DDX24: variants seen among roughly 807,000 people sequenced by gnomAD.
DDX24 encodes the protein ATP-dependent RNA helicase DDX24.
A neutral mutation model predicts 68.9 loss-of-function variants in DDX24; 24 were observed. That is an observed-to-expected ratio of 0.35 (90% CI 0.25 to 0.49). The LOEUF (loss-of-function observed/expected upper bound fraction) is 0.49, where lower values mean the gene tolerates loss of function less well. Ranked by LOEUF, DDX24 falls within the 20% of genes least tolerant of loss-of-function variation. The probability of loss-of-function intolerance (pLI) is 0.99; values close to 1 mark genes in which losing one functional copy is unlikely to be tolerated. For synonymous variants in DDX24, 395 were observed against 385.2 expected, an observed-to-expected ratio of 1.03 and a Z score of -0.30; for missense variants, 989 against 1,039.0, an observed-to-expected ratio of 0.95 and a Z score of 0.66.
At chr14:94,071,862 T>C (rs1463312040) in intron 2 of DDX24, among the ~76,000 whole-genome samples, 1 of 152,036 alleles carries the variant, frequency 6.6e-6, no homozygotes, top group African/African-American at 2.4e-5. Flanking sequence ...GGAGAATCAC[T>C]TGAACCCGGG....
chr14:94,060,580 A>T lies in DDX24; in HGVS notation c.1431T>A (p.Val477=). ...AGAGCTCAGCAAAATGGCCTTTCTC[A>T]ACCATCCGGTCAGCCTCATCCACTA... The part of the protein sequence containing the change: ...CLVVDEADRM[V]EKGHFAELSQ... Residue 477 remains valine (V), a synonymous_variant, in exon 5 of 9, where the codon GTT becomes GTA. Transcript: ENST00000621632. 2 of 1,613,936 alleles carry T rather than the reference A, an allele frequency of 1.2e-6. No individual in the cohort carries two copies. Among genetic ancestry groups the T allele is most frequent in the Non-Finnish European group, 8.5e-7 (1 of 1,179,896 alleles).
At chr14:94,078,084 T>C (rs1885982267) in intron 2 of DDX24, among the ~76,000 whole-genome samples, 1 of 152,160 alleles carries the variant, frequency 6.6e-6, no homozygotes, top group South Asian at 2.1e-4. Context: ...CTTGTCATTA[T>C]TCCCTAAACA....
intron 5 of DDX24, among the ~76,000 whole-genome samples, chr14:94,059,574 A>G (rs908698146): frequency 2.0e-5 from 3 of 152,244 alleles, no homozygotes; most frequent in African/African-American, 7.2e-5. Context: ...TGTTCTAAAC[A>G]CTTTACACGC....
chr14:94,062,285 T>C lies in DDX24; in HGVS notation c.1055A>G (p.Lys352Arg). The C allele has an allele frequency of 6.2e-7, 1 of 1,614,198 alleles. No individual in the cohort carries two copies. The change falls in exon 3 of 9, where the codon AAA becomes AGA. Residue 352 changes from lysine to arginine, a missense_variant. Coordinates refer to ENST00000621632, the MANE Select transcript of DDX24 (RefSeq NM_020414.4). The stretch of plus-strand genomic sequence containing the variant: ...ATTTTCCTCCTCATTCTCATTCTGT[T>C]TGGGAACAGGTTTCTCCCTGATCAG... ...SSLIREKPVP[K>R]QNENEEENLD... is the part of the protein sequence containing the mutation.
Position 94,050,069 on chromosome 14 carries a change from T to C in DDX24, c.*1122A>G, listed in dbSNP as rs1885360789. 6.6e-6 allele frequency: 1 copy of C among 152,230 alleles called. No individual in the cohort carries two copies. The highest frequency in any genetic ancestry group is 2.4e-5 in the African/African-American group (1 of 41,446). The allele number at this position is 152,230 out of a possible 1,614,324, so 9.4% of individuals were successfully genotyped here. A position where few individuals can be genotyped will look rare whatever the true frequency, so the allele number is the denominator to read the frequency against. On this transcript the variant is annotated 3_prime_UTR_variant, in exon 9 of 9. Transcript: ENST00000621632. ...TGAACTAAACAGCTGTATTGTATTG[T>C]GCCCCGACGAATACCTGTTTGGAAG...
chr14:94,063,822 G>A (rs1435323988), intron 2 of DDX24, among the ~76,000 whole-genome samples: 2 of 152,224 alleles, frequency 1.3e-5, no homozygotes, highest in South Asian at 2.1e-4. Flanking sequence ...AGGATTGCTT[G>A]AGCATGGGAG....
At chr14:94,061,732 A>T (rs1234080140) in intron 3 of DDX24, among the ~76,000 whole-genome samples, 1 of 152,186 alleles carries the variant, frequency 6.6e-6, no homozygotes, top group Non-Finnish European at 1.5e-5. Context: ...TCTCTGTCAC[A>T]ACTATTAACT....
intron 2 of DDX24, among the ~76,000 whole-genome samples, chr14:94,065,390 C>T (rs907063399): frequency 2.6e-5 from 4 of 151,920 alleles, no homozygotes; most frequent in Non-Finnish European, 4.4e-5. Context: ...CTCTGACACA[C>T]ACACACACAC....
chr14:94,078,864 A>G (rs533242202), intron 2 of DDX24, 161 bp downstream of exon 2: 14 of 716,370 alleles, frequency 2.0e-5, no homozygotes, highest in Admixed American at 1.9e-4. Context: ...ATTCAAGAAG[A>G]GCATATTTCA....
Position 94,060,593 on chromosome 14 carries a change from G to C in DDX24, c.1418C>G (p.Ala473Gly). 1 of 1,613,450 alleles carries C rather than the reference G, an allele frequency of 6.2e-7. No homozygotes were observed. The highest frequency in any genetic ancestry group is 1.1e-5 in the South Asian group (1 of 91,070). Residue 473 changes from alanine to glycine, a missense_variant, in exon 5 of 9, where the codon GCT (alanine) becomes GGT (glycine). Physicochemically the swap from Ala to Gly is moderately conservative, Grantham distance 60 (BLOSUM62 0). Coordinates refer to ENST00000621632, the MANE Select transcript of DDX24 (RefSeq NM_020414.4). ...ATGGCCTTTCTCAACCATCCGGTCA[G>C]CCTCATCCACTACCAGGCACCTGCA... ...RQLRCLVVDE[A>G]DRMVEKGHFA...
chr14:94,079,401 G>C lies in DDX24; in HGVS notation c.342C>G (p.Thr114=), dbSNP rs766976006. 1.9e-6 allele frequency: 3 copies of C among 1,613,846 alleles called. No homozygotes were observed. The highest frequency in any genetic ancestry group is 4.5e-5 in the East Asian group (2 of 44,864). Residue 114 remains threonine, a synonymous_variant, in exon 2 of 9, where the codon ACC becomes ACG. Coordinates refer to ENST00000621632, the MANE Select transcript of DDX24 (RefSeq NM_020414.4). ...SKNVATEGTS[T]QKEFEVKDPE... ...GATCTTTCACTTCAAATTCTTTCTG[G>C]GTACTGGTTCCTTCAGTTGCTACAT...
At position 94,049,093 on chromosome 14, in the gene DDX24, A is replaced by AC. The variant is rs1328430049; in HGVS notation, c.*2097dup. 6.6e-6 allele frequency: 1 copy of AC among 152,208 alleles called. No homozygotes were observed. Among genetic ancestry groups the AC allele is most frequent in the East Asian group, 1.9e-4 (1 of 5,186 alleles). The allele number at this position is 152,208 out of a possible 1,614,324, so 9.4% of individuals were successfully genotyped here. On this transcript the variant is annotated 3_prime_UTR_variant, in exon 9 of 9. Transcript: ENST00000621632. ...AAGCTCTGCCCACCAACTTCACCTT[A>AC]CCAGGCGAGAGTAGCACTGCTTGGA...
intron 2 of DDX24, among the ~76,000 whole-genome samples, chr14:94,070,742 A>G (rs939340188): frequency 6.6e-6 from 1 of 152,216 alleles, no homozygotes; most frequent in African/African-American, 2.4e-5. Flanking sequence ...CAAAGCAAAC[A>G]AAAACCTAAA....
intron 1 of DDX24, among the ~76,000 whole-genome samples, chr14:94,080,031 A>G (rs1203480745): frequency 1.3e-5 from 2 of 151,952 alleles, no homozygotes; most frequent in Non-Finnish European, 2.9e-5. Flanking sequence ...AGTGCCACCC[A>G]CTCCTCTCTG....
intron 7 of DDX24, among the ~76,000 whole-genome samples, chr14:94,053,568 A>T (rs1885434791): frequency 6.6e-6 from 1 of 150,764 alleles, no homozygotes; most frequent in Admixed American, 6.6e-5. Context: ...TAATCCTAGC[A>T]CTCTGGGAGG....
At chr14:94,075,301 C>G (rs1194774643) in intron 2 of DDX24, among the ~76,000 whole-genome samples, 3 of 152,132 alleles carry the variant, frequency 2.0e-5, no homozygotes, top group African/African-American at 7.2e-5. Context: ...GACATAAAGA[C>G]TAGACAAACA....
intron 2 of DDX24, among the ~76,000 whole-genome samples, chr14:94,069,476 A>C (rs1885784803): frequency 6.6e-6 from 1 of 152,170 alleles, no homozygotes; most frequent in African/African-American, 2.4e-5. Flanking sequence ...ATTCTACGAG[A>C]TGGAGAAAGA....
Position 94,053,382 on chromosome 14 carries a change from T to C in DDX24, c.2179-255A>G. The C allele has an allele frequency of 1.1e-5, 4 of 363,990 alleles. No homozygotes were observed. In the South Asian group the frequency reaches 1.3e-4, roughly 12 times the overall value. The allele number at this position is 363,990 out of a possible 1,614,324, so 22.5% of individuals were successfully genotyped here. A position where few individuals can be genotyped will look rare whatever the true frequency, so the allele number is the denominator to read the frequency against. The stretch of plus-strand genomic sequence containing the variant: ...TCTTTTTTTTTTTTTTTTTTTTTTT[T>C]TTTTTCGTAAAGACAGGGTCTCAAC... On this transcript the variant is annotated intron_variant, in intron 7 of 8. Transcript: ENST00000621632.
intron 6 of DDX24, 181 bp downstream of exon 6, chr14:94,057,640 GT>G: frequency 1.8e-6 from 1 of 564,024 alleles, no homozygotes. Context: ...ACAAAGCAAG[GT>G]TTTCTGGAGA....
Sources: gnomAD v4.1 joint callset for allele counts (sites outside exome capture counted in the v4.1 genomes callset) on GRCh38, gnomAD v4.1.1 for gene constraint, MANE v1.5 for transcripts, NCBI Gene and HGNC (gene_info 2026-07-23, HGNC 2026-07-21) for gene names.